The following PDSS1 variants were observed in gnomAD, a reference collection of about 807,000 sequenced individuals.
PDSS1 encodes decaprenyl diphosphate synthase subunit 1.
PDSS1 carries 43 observed loss-of-function variants against 57.5 expected under a neutral mutation model. That is an observed-to-expected ratio of 0.75 (90% CI 0.59 to 0.96). The LOEUF is 0.96. Among genes scored for constraint, PDSS1 ranks in the 50% least tolerant of loss-of-function variants. The pLI is 0.00. For missense variants in PDSS1, 438 were observed against 527.8 expected, an observed-to-expected ratio of 0.83 and a Z score of 1.67; for synonymous variants, 175 against 191.3, an observed-to-expected ratio of 0.91 and a Z score of 0.70.
intron 10 of PDSS1, among the ~76,000 whole-genome samples, chr10:26,741,539 G>A (rs1156641285): frequency 2.0e-5 from 3 of 152,154 alleles, no homozygotes; most frequent in Admixed American, 6.5e-5. Context: ...GCTGATCCCA[G>A]TATGCAGTCA....
intron 5 of PDSS1, among the ~76,000 whole-genome samples, chr10:26,713,042 C>T (rs187853694): frequency 0.03 from 2,903 of 96,130 alleles, 885 homozygotes; most frequent in African/African-American, 0.092. Context: ...CCTGTAATCC[C>T]AGCACTTTGG....
chr10:26,720,578 A>C (rs3802606), intron 6 of PDSS1, among the ~76,000 whole-genome samples: 2 of 152,208 alleles, frequency 1.3e-5, no homozygotes, highest in East Asian at 3.8e-4. Context: ...TTCTAATAGA[A>C]TTCCTTTGGT....
intron 5 of PDSS1, among the ~76,000 whole-genome samples, chr10:26,719,684 A>C (rs1835717123): frequency 6.6e-6 from 1 of 152,136 alleles, no homozygotes; most frequent in Non-Finnish European, 1.5e-5. Context: ...TGGGAGAATC[A>C]CTTGAACCTG....
At chr10:26,716,703 GATA>G (rs1835594551) in intron 5 of PDSS1, among the ~76,000 whole-genome samples, 1 of 151,614 alleles carries the variant, frequency 6.6e-6, no homozygotes, top group South Asian at 2.1e-4. Context: ...AAAAAAAAAA[GATA>G]ATTTTTTAAA....
chr10:26,720,380 T>C, intron 6 of PDSS1, 21 bp downstream of exon 6: 1 of 1,512,560 alleles, frequency 6.6e-7, no homozygotes, highest in Non-Finnish European at 9.2e-7. Context: ...TTGGTTTTTT[T>C]AAAATCTCTC....
chr10:26,722,672 C>G (rs1835826486), intron 6 of PDSS1, among the ~76,000 whole-genome samples: 1 of 148,386 alleles, frequency 6.7e-6, no homozygotes, highest in South Asian at 2.1e-4. Context: ...CCACTGTACT[C>G]AAGCCTGGGC....
At chr10:26,707,313 T>C (rs1289816271) in intron 4 of PDSS1, among the ~76,000 whole-genome samples, 1 of 152,176 alleles carries the variant, frequency 6.6e-6, no homozygotes, top group Non-Finnish European at 1.5e-5. Context: ...ATTGGGAAGC[T>C]GATCACCAGT....
chr10:26,705,506 C>T, intron 4 of PDSS1, 112 bp downstream of exon 4: 2 of 438,090 alleles, frequency 4.6e-6, no homozygotes, highest in South Asian at 6.0e-5. Context: ...TGGAGTCTCA[C>T]TCTGTTGCCC....
intron 5 of PDSS1, among the ~76,000 whole-genome samples, chr10:26,719,878 G>A (rs1008591434): frequency 9.2e-5 from 14 of 152,216 alleles, no homozygotes; most frequent in African/African-American, 3.4e-4. Context: ...AAATTTAATT[G>A]TAAACTTATA....
chr10:26,722,316 C>T (rs1835815082), intron 6 of PDSS1, among the ~76,000 whole-genome samples: 1 of 152,208 alleles, frequency 6.6e-6, no homozygotes, highest in African/African-American at 2.4e-5. Flanking sequence ...ATGAACATCA[C>T]TGTTTAGATA....
chr10:26,740,897 A>G (rs755413233), intron 10 of PDSS1: 15 of 315,962 alleles, frequency 4.7e-5, no homozygotes, highest in Non-Finnish European at 8.3e-5. Context: ...GTTAATGGTG[A>G]CACTTCTAAA....
chr10:26,737,814 T>C (rs867375203), intron 10 of PDSS1, among the ~76,000 whole-genome samples: 9 of 151,820 alleles, frequency 5.9e-5, no homozygotes, highest in African/African-American at 9.7e-5. Context: ...GCCATGGTTT[T>C]ATGTGTGCTT....
intron 6 of PDSS1, among the ~76,000 whole-genome samples, chr10:26,720,997 G>A (rs1588687581): frequency 1.3e-5 from 2 of 152,082 alleles, no homozygotes; most frequent in Admixed American, 6.6e-5. Flanking sequence ...CACCACACAC[G>A]TGCTCTACAA....
intron 8 of PDSS1, among the ~76,000 whole-genome samples, chr10:26,729,569 C>T (rs1230801047): frequency 6.6e-6 from 1 of 152,130 alleles, no homozygotes; most frequent in Non-Finnish European, 1.5e-5. Flanking sequence ...TTTATTTGCA[C>T]AATCTGAGAA....
rs577149939 is a variant in PDSS1 at position 26,698,091 on chromosome 10, G to A, written c.129+251G>A. Among the ~76,000 whole-genome samples the A allele has an allele frequency of 4.4e-4, 67 of 151,968 alleles. 3 individuals are homozygous for A. In the South Asian group the frequency reaches 0.013, roughly 29 times the overall value. On this transcript the variant is annotated intron_variant, in intron 1 of 11. Transcript: ENST00000376215. ...GCGGTGTCCTGGGGACCCCGGGAGCGTTTTGGGGGGTGGAGAAAGCGGTGG... is the reference window on the plus strand; with the variant it reads ...GCGGTGTCCTGGGGACCCCGGGAGCATTTTGGGGGGTGGAGAAAGCGGTGG...
At chr10:26,698,001 G>A (rs1171413156) in intron 1 of PDSS1, among the ~76,000 whole-genome samples, 161 bp downstream of exon 1, 1 of 151,756 alleles carries the variant, frequency 6.6e-6, no homozygotes, top group Non-Finnish European at 1.5e-5. Context: ...GCTGAGGGGT[G>A]CTCGCGGTGG....
At chr10:26,707,122 C>T (rs1248179499) in intron 4 of PDSS1, among the ~76,000 whole-genome samples, 1 of 152,150 alleles carries the variant, frequency 6.6e-6, no homozygotes, top group Non-Finnish European at 1.5e-5. Context: ...TGCGCAGTGG[C>T]CCGCCAGTGT....
intron 1 of PDSS1, among the ~76,000 whole-genome samples, chr10:26,699,781 T>C (rs1427971175): frequency 6.6e-6 from 1 of 152,194 alleles, no homozygotes; most frequent in Non-Finnish European, 1.5e-5. Context: ...ATATGCTTTA[T>C]GGCCTCCCCG....
At chr10:26,742,205 T>A (rs1836642064) in intron 10 of PDSS1, among the ~76,000 whole-genome samples, 1 of 140,276 alleles carries the variant, frequency 7.1e-6, no homozygotes, top group South Asian at 2.2e-4. Context: ...AGATGTACTT[T>A]ATTCCTCCTG....
Sources: allele counts gnomAD v4.1 joint callset (sites outside exome capture counted in the v4.1 genomes callset), GRCh38; gene constraint gnomAD v4.1.1; transcripts MANE v1.5; gene names NCBI Gene and HGNC (gene_info 2026-07-23, HGNC 2026-07-21).